Variants in LHFPL4 observed in about 807,000 individuals in gnomAD.
The protein encoded by LHFPL4 is LHFPL tetraspan subfamily member 4 protein.
LHFPL4 carries 6 observed loss-of-function variants against 20.0 expected under a neutral mutation model. The ratio of observed to expected loss-of-function variants is 0.30; its 90% CI spans 0.16 to 0.59. LHFPL4 has a LOEUF of 0.59. Ranked by LOEUF, LHFPL4 falls within the 20% of genes least tolerant of loss-of-function variation. The pLI is 0.88. For synonymous variants in LHFPL4, 129 were observed against 143.8 expected (o/e 0.90, Z 0.74); for missense variants, 215 against 331.2 (o/e 0.65, Z 2.72).
At chr3:9,536,299 A>G (rs959921816) in intron 2 of LHFPL4, among the ~76,000 whole-genome samples, 2 of 152,148 alleles carry the variant, frequency 1.3e-5, no homozygotes, top group African/African-American at 4.8e-5. Flanking sequence ...TACAAGGGAG[A>G]CTGAGCTTCT....
chr3:9,515,000 A>G (rs2046289342), intron 2 of LHFPL4, among the ~76,000 whole-genome samples: 1 of 152,178 alleles, frequency 6.6e-6, no homozygotes, highest in South Asian at 2.1e-4. Flanking sequence ...TGAGTTTTTT[A>G]TTCCTTTGGG....
At chr3:9,532,671 G>A (rs955458147) in intron 2 of LHFPL4, among the ~76,000 whole-genome samples, 3 of 152,254 alleles carry the variant, frequency 2.0e-5, no homozygotes, top group African/African-American at 7.2e-5. Context: ...ATTAGAACAC[G>A]GTTACACCAT....
At chr3:9,526,998 A>AAAGG (rs949285004) in intron 2 of LHFPL4, among the ~76,000 whole-genome samples, 3 of 152,202 alleles carry the variant, frequency 2.0e-5, no homozygotes, top group South Asian at 2.1e-4. Flanking sequence ...TATTTCACTG[A>AAAGG]AAGGAAGGAA....
Position 9,552,317 on chromosome 3 carries a change from C to G in LHFPL4, c.363G>C (p.Thr121=), listed in dbSNP as rs144594036. The G allele has an allele frequency of 1.2e-6, 2 of 1,613,466 alleles. No homozygotes were observed. The highest frequency in any genetic ancestry group is 1.7e-6 in the Non-Finnish European group (2 of 1,179,706). The change falls in exon 2 of 4, where the codon ACG becomes ACC. Residue 121 remains threonine (T), a synonymous_variant. Coordinates refer to ENST00000287585, the MANE Select transcript of LHFPL4 (RefSeq NM_198560.3). The part of the protein sequence containing the change: ...TCFSLFFFCN[T]ATVYKICAWM... Reference sequence around the variant, plus strand: ...AGGCGCAGATCTTGTAGACCGTAGCCGTGTTGCAGAAGAAGAAAAGCGAAA... The same window carrying G: ...AGGCGCAGATCTTGTAGACCGTAGCGGTGTTGCAGAAGAAGAAAAGCGAAA...
rs2046574560 is a variant in LHFPL4, at chr3:9,553,804, C to T, written c.-288G>A. On this transcript the variant is annotated 5_prime_UTR_variant, in exon 1 of 4. Transcript: ENST00000287585. The stretch of plus-strand genomic sequence containing the variant: ...GCCTCTGCGCGGCCTCCATCTTGCT[C>T]GGGTTCTCCCCGGGGCGCGCTCCCG... 6.6e-6 allele frequency: 1 copy of T among 150,656 alleles called. No homozygotes were observed. The highest frequency in any genetic ancestry group is 2.4e-5 in the African/African-American group (1 of 41,262). 9.3% of individuals were successfully genotyped at this position (150,656 alleles called of 1,614,324 possible).
At chr3:9,552,196 C>A in intron 2 of LHFPL4, 78 bp downstream of exon 2, 1 of 1,519,878 alleles carries the variant, frequency 6.6e-7, no homozygotes, top group Non-Finnish European at 8.8e-7. Context: ...TATCCGACTC[C>A]TTCAGGAAGG....
At chr3:9,535,983 TAG>T (rs1448936984) in intron 2 of LHFPL4, among the ~76,000 whole-genome samples, 1 of 152,086 alleles carries the variant, frequency 6.6e-6, no homozygotes, top group African/African-American at 2.4e-5. Context: ...TGTATTTTTT[TAG>T]AGAGGGGGTT....
chr3:9,524,589 A>T (rs556560800), intron 2 of LHFPL4, among the ~76,000 whole-genome samples: 1 of 152,164 alleles, frequency 6.6e-6, no homozygotes, highest in East Asian at 1.9e-4. Flanking sequence ...TATCTCTAGC[A>T]TTTATTTTTG....
intron 2 of LHFPL4, among the ~76,000 whole-genome samples, chr3:9,526,250 T>G (rs2046374656): frequency 6.6e-6 from 1 of 152,102 alleles, no homozygotes. Context: ...GAGTTAGTGT[T>G]TAATGGGCAC....
intron 2 of LHFPL4, among the ~76,000 whole-genome samples, chr3:9,534,178 C>T (rs764164434): frequency 1.3e-5 from 2 of 151,512 alleles, no homozygotes; most frequent in Non-Finnish European, 2.9e-5. Flanking sequence ...GATTGTCCCA[C>T]TGCACTCCAG....
chr3:9,505,487 G>A (rs766274677), intron 3 of LHFPL4, among the ~76,000 whole-genome samples: 3 of 150,488 alleles, frequency 2.0e-5, no homozygotes, highest in Non-Finnish European at 4.4e-5. Context: ...ACAGAGTCTC[G>A]CTGTCTCCCA....
At chr3:9,547,517 C>T (rs1199779494) in intron 2 of LHFPL4, among the ~76,000 whole-genome samples, 2 of 152,180 alleles carry the variant, frequency 1.3e-5, no homozygotes, top group Non-Finnish European at 2.9e-5. Context: ...ATTAGACTTG[C>T]GTTGAGTTTT....
intron 2 of LHFPL4, among the ~76,000 whole-genome samples, chr3:9,536,843 T>C (rs2046447144): frequency 6.7e-6 from 1 of 149,760 alleles, no homozygotes; most frequent in African/African-American, 2.5e-5. Context: ...GGCGTGAACC[T>C]GAGAGGCAGA....
At chr3:9,517,255 G>C (rs2046309307) in intron 2 of LHFPL4, among the ~76,000 whole-genome samples, 1 of 152,082 alleles carries the variant, frequency 6.6e-6, no homozygotes, top group South Asian at 2.1e-4. Context: ...AACTTGCCAG[G>C]ATTGTGATTG....
rs34646923 is a variant in LHFPL4, at chr3:9,509,241, A to ACC, written c.407-3040_407-3039dup. On this transcript the variant is annotated intron_variant, in intron 2 of 3. Transcript: ENST00000287585. ...CCCCACCCTTTTCATCTTTCTTCGCACCCCCCTCTCTCTCTCTCTGGCTTG... is the reference window on the plus strand; with the variant it reads ...CCCCACCCTTTTCATCTTTCTTCGCACCCCCCCCTCTCTCTCTCTCTGGCTTG... 6.2e-3 allele frequency among the ~76,000 whole-genome samples: 790 copies of ACC among 128,182 alleles called. 19 individuals are homozygous for ACC. Among genetic ancestry groups the ACC allele is most frequent in the East Asian group, 0.011 (44 of 4,056 alleles). 84.1% of individuals were successfully genotyped at this position (128,182 alleles called of 152,430 possible).
intron 3 of LHFPL4, 63 bp from the exon 4 acceptor site, chr3:9,502,374 A>T: frequency 7.9e-7 from 1 of 1,261,250 alleles, no homozygotes; most frequent in East Asian, 2.4e-5. Context: ...CTGCCTGGGC[A>T]TTCAGGCTTT....
chr3:9,513,757 T>C (rs972768792), intron 2 of LHFPL4, among the ~76,000 whole-genome samples: 3 of 152,224 alleles, frequency 2.0e-5, no homozygotes, highest in Non-Finnish European at 4.4e-5. Context: ...GAAAAATCAT[T>C]TAACTGTGCG....
intron 2 of LHFPL4, among the ~76,000 whole-genome samples, chr3:9,509,599 C>T (rs2046244023): frequency 6.6e-6 from 1 of 152,138 alleles, no homozygotes; most frequent in African/African-American, 2.4e-5. Context: ...TCAAGGTGTG[C>T]TTCAAAGGAA....
At chr3:9,543,784 G>A (rs2046493995) in intron 2 of LHFPL4, among the ~76,000 whole-genome samples, 1 of 138,412 alleles carries the variant, frequency 7.2e-6, no homozygotes, top group South Asian at 2.4e-4. Context: ...AGGCTGGAGT[G>A]CAGTGGCACA....
Sources: allele counts gnomAD v4.1 joint callset (sites outside exome capture counted in the v4.1 genomes callset), GRCh38; gene constraint gnomAD v4.1.1; transcripts MANE v1.5; gene names NCBI Gene and HGNC (gene_info 2026-07-23, HGNC 2026-07-21).